The following UIMC1 variants were observed in gnomAD, a reference collection of about 807,000 sequenced individuals.
UIMC1 encodes BRCA1-A complex subunit RAP80.
UIMC1 carries 42 observed loss-of-function variants against 84.9 expected under a neutral mutation model. The ratio of observed to expected loss-of-function variants is 0.49; its 90% CI spans 0.39 to 0.64. UIMC1 has a LOEUF of 0.64. UIMC1 is among the 30% of genes least tolerant of loss of function. UIMC1 has a pLI of 0.00. For missense variants in UIMC1, 825 were observed against 847.6 expected (o/e 0.97, Z 0.33); for synonymous variants, 281 against 293.0 (o/e 0.96, Z 0.42).
intron 1 of UIMC1, among the ~76,000 whole-genome samples, chr5:177,015,942 C>A (rs900452444): frequency 6.6e-6 from 1 of 152,046 alleles, no homozygotes; most frequent in Non-Finnish European, 1.5e-5. Flanking sequence ...TGGTGGCGCA[C>A]ATCTGTAATC....
rs140473488 is a variant in UIMC1 at position 176,910,002 on chromosome 5, T to C, written c.1677-1308A>G. On this transcript the variant is annotated intron_variant, in intron 11 of 14. Transcript: ENST00000511320. ...ACCTAGCACAATGACTGGCACATAA[T>C]ATTAGGCACTAAACAAACAGCTATT... 6.8e-4 allele frequency among the ~76,000 whole-genome samples: 103 copies of C among 152,334 alleles called. No homozygotes were observed. In the Middle Eastern group the frequency reaches 0.041, roughly 60 times the overall value.
At chr5:176,953,067 G>A (rs1766093639) in intron 8 of UIMC1, among the ~76,000 whole-genome samples, 1 of 152,052 alleles carries the variant, frequency 6.6e-6, no homozygotes, top group Non-Finnish European at 1.5e-5. Flanking sequence ...CCTTTTATAA[G>A]GGACCCCAGA....
chr5:176,978,094 G>T lies in UIMC1; in HGVS notation c.148-2614C>A, dbSNP rs778170279. Among the ~76,000 whole-genome samples, 5 of 152,104 alleles carry T rather than the reference G, an allele frequency of 3.3e-5. No homozygotes were observed. The South Asian group carries it at 1.0e-3, about 32-fold the overall frequency. On this transcript the variant is annotated intron_variant, in intron 2 of 14. Coordinates refer to ENST00000511320, the MANE Select transcript of UIMC1 (RefSeq NM_001199298.2). The stretch of plus-strand genomic sequence containing the variant: ...CATATTAAAACTCAGTTGGTAGGCC[G>T]GGTGCGGTGACTCACGCCTGTAATC...
chr5:176,911,183 A>T, intron 11 of UIMC1, 128 bp downstream of exon 11: 2 of 554,818 alleles, frequency 3.6e-6, no homozygotes, highest in Non-Finnish European at 6.0e-6. Flanking sequence ...AAGAAAATTC[A>T]GGCATCCAAG....
intron 10 of UIMC1, among the ~76,000 whole-genome samples, chr5:176,930,558 G>A (rs185166958): frequency 7.1e-4 from 108 of 152,324 alleles, no homozygotes; most frequent in Admixed American, 1.8e-3. Context: ...ACTGTTACTG[G>A]TATATAGCAG....
intron 2 of UIMC1, among the ~76,000 whole-genome samples, chr5:176,976,585 C>G (rs1290835833): frequency 6.6e-6 from 1 of 152,116 alleles, no homozygotes; most frequent in Admixed American, 6.6e-5. Context: ...TAAAACAGTG[C>G]CCCCACTGTG....
intron 9 of UIMC1, among the ~76,000 whole-genome samples, chr5:176,946,503 C>T (rs1416536009): frequency 6.6e-6 from 1 of 151,586 alleles, no homozygotes; most frequent in Non-Finnish European, 1.5e-5. Flanking sequence ...CAGAGCAAAA[C>T]TCTGCCTCCA....
At chr5:176,913,344 A>T (rs1278932562) in intron 10 of UIMC1, among the ~76,000 whole-genome samples, 2 of 152,242 alleles carry the variant, frequency 1.3e-5, no homozygotes, top group African/African-American at 4.8e-5. Context: ...AATTGACTTC[A>T]CCATGCTATC....
intron 10 of UIMC1, among the ~76,000 whole-genome samples, chr5:176,913,884 G>T (rs753141464): frequency 1.3e-5 from 2 of 152,180 alleles, no homozygotes; most frequent in Non-Finnish European, 2.9e-5. Flanking sequence ...AGCTGAGGTG[G>T]GAGGATCGCC....
chr5:177,017,615 C>T (rs992540734), intron 1 of UIMC1, among the ~76,000 whole-genome samples: 2 of 151,720 alleles, frequency 1.3e-5, no homozygotes, highest in African/African-American at 2.4e-5. Context: ...GCAGGTGATC[C>T]GCCCACTTGG....
intron 2 of UIMC1, among the ~76,000 whole-genome samples, chr5:176,977,917 A>C (rs1176261030): frequency 6.6e-6 from 1 of 152,004 alleles, no homozygotes; most frequent in African/African-American, 2.4e-5. Flanking sequence ...TCTCAAAAAA[A>C]TACATATAAA....
intron 1 of UIMC1, among the ~76,000 whole-genome samples, chr5:176,990,007 C>T (rs1346974042): frequency 6.6e-6 from 1 of 151,848 alleles, no homozygotes. Context: ...GGTGAAACCC[C>T]GTCTCTACTA....
At chr5:176,982,332 A>T in intron 2 of UIMC1, 137 bp downstream of exon 2, 1 of 979,680 alleles carries the variant, frequency 1.0e-6, no homozygotes, top group Non-Finnish European at 1.5e-6. Flanking sequence ...TTTACAAATT[A>T]AAACAAAGCT....
upstream of UIMC1, among the ~76,000 whole-genome samples, chr5:177,011,433 T>C (rs973695758): frequency 6.6e-6 from 1 of 151,384 alleles, no homozygotes; most frequent in Admixed American, 6.6e-5. Context: ...ACATTTAAAA[T>C]TTAGCTGGCT....
chr5:176,966,108 G>T (rs1351579079), intron 6 of UIMC1, among the ~76,000 whole-genome samples: 1 of 152,068 alleles, frequency 6.6e-6, no homozygotes, highest in Middle Eastern at 3.2e-3. Flanking sequence ...TCTCTTCCTA[G>T]ACAACAATCT....
intron 1 of UIMC1, among the ~76,000 whole-genome samples, chr5:176,999,458 C>T (rs1774127989): frequency 6.6e-6 from 1 of 152,016 alleles, no homozygotes; most frequent in African/African-American, 2.4e-5. Context: ...TTATTATTGA[C>T]TATAAGTCAT....
At chr5:176,977,331 T>C (rs1164756235) in intron 2 of UIMC1, among the ~76,000 whole-genome samples, 2 of 147,624 alleles carry the variant, frequency 1.4e-5, no homozygotes, top group Admixed American at 6.8e-5. Context: ...AGAAAACCAA[T>C]AAATATAAAG....
At position 176,969,129 on chromosome 5, in the gene UIMC1, A is replaced by C. The variant is rs1768799642; in HGVS notation, c.626T>G (p.Phe209Cys). 6.2e-7 allele frequency: 1 copy of C among 1,614,006 alleles called. No homozygotes were observed. Among genetic ancestry groups the C allele is most frequent in the African/African-American group, 1.3e-5 (1 of 74,884 alleles). ...AAAAGATTTAACGTTCACATTCTCAAACACTGGCTGGCTTGACTGGTCCCA... is the reference window on the plus strand; with the variant it reads ...AAAAGATTTAACGTTCACATTCTCACACACTGGCTGGCTTGACTGGTCCCA... ...GSWDQSSQPVFENVNVKSFDR... is the reference protein window; with the variant it reads ...GSWDQSSQPVCENVNVKSFDR... Residue 209 changes from phenylalanine to cysteine, a missense_variant, in exon 6 of 15, where the codon TTT (phenylalanine) becomes TGT (cysteine). Phe to Cys is a radical substitution (Grantham distance 205, BLOSUM62 -2). Transcript: ENST00000511320.
chr5:176,952,242 A>C (rs1765979890), intron 8 of UIMC1, among the ~76,000 whole-genome samples: 2 of 152,266 alleles, frequency 1.3e-5, no homozygotes, highest in African/African-American at 4.8e-5. Flanking sequence ...CTGAGGTTAA[A>C]GAGATGATTA....
Sources: allele counts gnomAD v4.1 joint callset (sites outside exome capture counted in the v4.1 genomes callset), GRCh38; gene constraint gnomAD v4.1.1; transcripts MANE v1.5; gene names NCBI Gene and HGNC (gene_info 2026-07-23, HGNC 2026-07-21).